The following SIL1 variants were observed in gnomAD, a reference collection of about 807,000 sequenced individuals.
The protein encoded by SIL1 is nucleotide exchange factor SIL1.
SIL1 carries 40 observed loss-of-function variants against 49.1 expected under a neutral mutation model. That is an observed-to-expected ratio of 0.81 (90% CI 0.63 to 1.06). The LOEUF (loss-of-function observed/expected upper bound fraction) is 1.06. Among genes scored for constraint, SIL1 ranks in the 50% least tolerant of loss-of-function variants. SIL1 has a pLI of 0.00. For synonymous variants in SIL1, 253 were observed against 250.8 expected, an observed-to-expected ratio of 1.01 and a Z score of -0.08; for missense variants, 500 against 572.6, an observed-to-expected ratio of 0.87 and a Z score of 1.29.
At chr5:139,026,268 AC>A (rs1768647717) in intron 6 of SIL1, among the ~76,000 whole-genome samples, 1 of 152,098 alleles carries the variant, frequency 6.6e-6, no homozygotes, top group Non-Finnish European at 1.5e-5. Context: ...TCTCTGTGGT[AC>A]CCTCAGAGGT....
intron 3 of SIL1, among the ~76,000 whole-genome samples, chr5:139,079,475 C>T (rs150392156): frequency 6.6e-6 from 1 of 152,276 alleles, no homozygotes; most frequent in Non-Finnish European, 1.5e-5. Flanking sequence ...AGCTCAAGGG[C>T]CATCTCCACA....
At chr5:139,063,323 A>C (rs983868490) in intron 3 of SIL1, among the ~76,000 whole-genome samples, 2 of 152,216 alleles carry the variant, frequency 1.3e-5, no homozygotes, top group Non-Finnish European at 1.5e-5. Context: ...CACAGCCCCC[A>C]AATTTAATAA....
intron 1 of SIL1, among the ~76,000 whole-genome samples, chr5:139,193,299 C>T (rs1752208995): frequency 6.6e-6 from 1 of 152,154 alleles, no homozygotes; most frequent in Admixed American, 6.5e-5. Flanking sequence ...CACGATGGCT[C>T]ATGCCTGTAA....
Position 138,993,769 on chromosome 5 carries a change from T to G in SIL1, c.767+27402A>C, listed in dbSNP as rs778736889. ...GAACTGAACTCTGCCAACAACCACA[T>G]CAGTTTAAAAGGAAATGCTTCCCAG... On this transcript the variant is annotated intron_variant, in intron 7 of 9. Transcript: ENST00000394817. Among the ~76,000 whole-genome samples the G allele has an allele frequency of 2.4e-4, 36 of 152,200 alleles. No individual in the cohort carries two copies. In the Middle Eastern group the frequency reaches 0.014, roughly 58 times the overall value.
At chr5:139,015,321 A>C (rs1768375058) in intron 7 of SIL1, among the ~76,000 whole-genome samples, 2 of 152,226 alleles carry the variant, frequency 1.3e-5, no homozygotes, top group Non-Finnish European at 1.5e-5. Flanking sequence ...GATGAATGCT[A>C]TGAAGATCAA....
chr5:139,126,553 C>T (rs1446735855), intron 2 of SIL1, among the ~76,000 whole-genome samples: 2 of 152,178 alleles, frequency 1.3e-5, no homozygotes, highest in Non-Finnish European at 1.5e-5. Flanking sequence ...CAGCCCCAAC[C>T]TCACGCTGTA....
intron 5 of SIL1, among the ~76,000 whole-genome samples, chr5:139,031,427 A>C (rs929481980): frequency 5.3e-5 from 8 of 152,150 alleles, no homozygotes; most frequent in Non-Finnish European, 1.2e-4. Flanking sequence ...CAGTTGTATT[A>C]GTGTGGGTCT....
At chr5:139,029,905 A>C (rs1374540971) in intron 5 of SIL1, among the ~76,000 whole-genome samples, 1 of 151,070 alleles carries the variant, frequency 6.6e-6, no homozygotes, top group Non-Finnish European at 1.5e-5. Context: ...TGAGTCCAGG[A>C]GGGTGAGACT....
intron 3 of SIL1, among the ~76,000 whole-genome samples, chr5:139,073,642 T>C (rs1164940892): frequency 6.6e-6 from 1 of 152,126 alleles, no homozygotes; most frequent in Non-Finnish European, 1.5e-5. Context: ...ATGGTAACTA[T>C]AGTTAATAAT....
intron 4 of SIL1, among the ~76,000 whole-genome samples, chr5:139,043,792 T>C (rs1194787337): frequency 6.6e-6 from 1 of 152,228 alleles, no homozygotes; most frequent in East Asian, 1.9e-4. Context: ...TTTAGTTCAA[T>C]GAACAGAGGT....
rs749456174 is a variant in SIL1, at chr5:139,026,981, A to T, written c.465T>A (p.Ala155=). 1 of 1,614,148 alleles carries T rather than the reference A, an allele frequency of 6.2e-7. No individual in the cohort carries two copies. Among genetic ancestry groups the T allele is most frequent in the East Asian group, 2.2e-5 (1 of 44,888 alleles). Residue 155 remains alanine (A), a synonymous_variant, in exon 6 of 10, where the codon GCT becomes GCA. Transcript: ENST00000394817. ...TGGGGCGGAAGAGCCGCTTTACCTC[A>T]GCCTGCCTTGCCTAAGGAGAGCAGC... ...ESSKEDKARQ[A]EVKRLFRPIE... is the part of the protein sequence containing the mutation.
At chr5:139,010,195 C>G (rs1380237407) in intron 7 of SIL1, among the ~76,000 whole-genome samples, 1 of 147,604 alleles carries the variant, frequency 6.8e-6, no homozygotes, top group Non-Finnish European at 1.5e-5. Flanking sequence ...CTTCCCTTCT[C>G]GCTTCATTTC....
At chr5:138,999,477 T>C (rs894704411) in intron 7 of SIL1, among the ~76,000 whole-genome samples, 3 of 152,028 alleles carry the variant, frequency 2.0e-5, no homozygotes, top group Admixed American at 6.6e-5. Flanking sequence ...CTGGGCAACA[T>C]AGTGAGACCC....
At chr5:139,019,271 A>G (rs922863921) in intron 7 of SIL1, among the ~76,000 whole-genome samples, 5 of 152,228 alleles carry the variant, frequency 3.3e-5, no homozygotes, top group Non-Finnish European at 7.3e-5. Context: ...TAAATGATGA[A>G]TATCAGACTA....
chr5:139,143,344 C>CACACATATATATATATAT (rs1451727500), intron 1 of SIL1, among the ~76,000 whole-genome samples: 7 of 97,500 alleles, frequency 7.2e-5, no homozygotes, highest in African/African-American at 3.8e-4. Flanking sequence ...CACACACACA[C>CACACATATATATATATAT]ATATATATAT....
At position 138,951,463 on chromosome 5, in the gene SIL1, A is replaced by G. The variant is rs540173536; in HGVS notation, c.865-128T>C. The stretch of plus-strand genomic sequence containing the variant: ...TCCCGGCCCCACCTCAGTTACAGCT[A>G]TACCCCAGAACCCAGGACTGTGAGG... On this transcript the variant is annotated intron_variant, in intron 8 of 9. Coordinates refer to ENST00000394817, the MANE Select transcript of SIL1 (RefSeq NM_022464.5). The G allele has an allele frequency of 1.1e-5, 11 of 957,100 alleles. No individual in the cohort carries two copies. In the East Asian group the frequency reaches 2.9e-4, roughly 25 times the overall value. 59.3% of individuals were successfully genotyped at this position (957,100 alleles called of 1,614,324 possible). A position where few individuals can be genotyped will look rare whatever the true frequency, so the allele number is the denominator to read the frequency against.
At chr5:138,951,745 C>T (rs753325742) in intron 8 of SIL1, 43 bp downstream of exon 8, 12 of 1,560,662 alleles carry the variant, frequency 7.7e-6, no homozygotes, top group South Asian at 2.2e-5. Context: ...AGGCCCCACA[C>T]GTGTCCTGGA....
intron 3 of SIL1, among the ~76,000 whole-genome samples, chr5:139,113,849 G>C (rs1770930472): frequency 6.6e-6 from 1 of 152,234 alleles, no homozygotes; most frequent in South Asian, 2.1e-4. Context: ...TTGGCAGCTA[G>C]TTTTCCATCA....
At chr5:139,171,259 G>T (rs1325338032) in intron 1 of SIL1, among the ~76,000 whole-genome samples, 2 of 152,146 alleles carry the variant, frequency 1.3e-5, no homozygotes. Context: ...GGAATAGAAA[G>T]GGGGGAAAGG....
Sources: allele counts gnomAD v4.1 joint callset (sites outside exome capture counted in the v4.1 genomes callset), GRCh38; gene constraint gnomAD v4.1.1; transcripts MANE v1.5; gene names NCBI Gene and HGNC (gene_info 2026-07-23, HGNC 2026-07-21).